The following SGCD variants were observed in gnomAD, a reference collection of about 807,000 sequenced individuals.
SGCD encodes the protein sarcoglycan delta.
Under a neutral mutation model 36.6 loss-of-function variants are expected in SGCD, and 18 were observed. That is an observed-to-expected ratio of 0.49 (90% CI 0.34 to 0.73). The LOEUF is 0.73. Among genes scored for constraint, SGCD ranks in the 30% least tolerant of loss-of-function variants. SGCD has a pLI of 0.01. For missense variants in SGCD, 387 were observed against 346.7 expected, an observed-to-expected ratio of 1.12 and a Z score of -0.92; for synonymous variants, 133 against 130.6, an observed-to-expected ratio of 1.02 and a Z score of -0.12.
intron 7 of SGCD, among the ~76,000 whole-genome samples, chr5:156,649,729 G>A (rs1165078527): frequency 6.6e-6 from 1 of 150,914 alleles, no homozygotes; most frequent in Admixed American, 6.6e-5. Flanking sequence ...GGGGAGAGGG[G>A]AGGGATAGCA....
chr5:156,478,408 A>G (rs945661588), intron 3 of SGCD, among the ~76,000 whole-genome samples: 2 of 152,154 alleles, frequency 1.3e-5, no homozygotes, highest in Non-Finnish European at 2.9e-5. Context: ...TCTGAGCCAC[A>G]CGCATCTTTG....
At chr5:156,604,980 G>C (rs1047734055) in intron 6 of SGCD, among the ~76,000 whole-genome samples, 1 of 151,560 alleles carries the variant, frequency 6.6e-6, no homozygotes, top group Non-Finnish European at 1.5e-5. Flanking sequence ...GATTTACATA[G>C]TACCATTGTA....
intron 3 of SGCD, among the ~76,000 whole-genome samples, chr5:156,421,709 A>G (rs1011648736): frequency 2.6e-5 from 4 of 152,024 alleles, no homozygotes; most frequent in Non-Finnish European, 5.9e-5. Context: ...TTTTAGCAGC[A>G]CTTGAAGCTC....
At chr5:155,967,383 G>A (rs761365989) in intron 1 of SGCD, among the ~76,000 whole-genome samples, 18 of 151,988 alleles carry the variant, frequency 1.2e-4, no homozygotes, top group Non-Finnish European at 2.1e-4. Context: ...TGAATTACAG[G>A]TGTTGTATTC....
chr5:156,695,138 T>TTG (rs35024208), intron 7 of SGCD, among the ~76,000 whole-genome samples: 109,068 of 145,906 alleles, frequency 0.75, 40,931 homozygotes, highest in Admixed American at 0.83. Context: ...GTGTGTGTGT[T>TTG]TGTGTGTGTG....
chr5:156,059,439 T>C (rs902249554), intron 1 of SGCD, among the ~76,000 whole-genome samples: 2 of 146,462 alleles, frequency 1.4e-5, no homozygotes, highest in African/African-American at 4.9e-5. Context: ...TAAACTTTTA[T>C]CAGAAAAGGT....
chr5:156,141,668 T>A (rs1384565392), intron 3 of SGCD, among the ~76,000 whole-genome samples: 3 of 152,180 alleles, frequency 2.0e-5, no homozygotes, highest in Non-Finnish European at 4.4e-5. Flanking sequence ...AAAGAAAGTT[T>A]AAAATATTAT....
chr5:156,665,011 G>A (rs1216121092), intron 7 of SGCD, among the ~76,000 whole-genome samples: 1 of 150,252 alleles, frequency 6.7e-6, no homozygotes, highest in Non-Finnish European at 1.5e-5. Context: ...ACTAGGTGGT[G>A]CCATAGGATT....
At chr5:156,371,946 A>G (rs1204582906) in intron 3 of SGCD, among the ~76,000 whole-genome samples, 1 of 152,198 alleles carries the variant, frequency 6.6e-6, no homozygotes, top group African/African-American at 2.4e-5. Context: ...TGTCAGAGCT[A>G]TTGTACATTG....
intron 1 of SGCD, among the ~76,000 whole-genome samples, chr5:155,969,150 T>C (rs928017954): frequency 6.6e-6 from 1 of 152,158 alleles, no homozygotes; most frequent in African/African-American, 2.4e-5. Context: ...TATGCCTGTA[T>C]GTGTTAGATC....
intron 1 of SGCD, among the ~76,000 whole-genome samples, chr5:156,112,569 G>T (rs1230802083): frequency 3.9e-5 from 6 of 152,128 alleles, no homozygotes; most frequent in African/African-American, 1.4e-4. Context: ...GGATTGTTAT[G>T]GTTTGGTTTT....
intron 3 of SGCD, among the ~76,000 whole-genome samples, chr5:156,172,005 G>A (rs971904456): frequency 1.4e-4 from 22 of 152,098 alleles, no homozygotes; most frequent in Non-Finnish European, 2.2e-4. Flanking sequence ...TCAGCAGGCC[G>A]GTCGTGGTGG....
intron 3 of SGCD, among the ~76,000 whole-genome samples, chr5:156,404,344 A>G (rs1772304605): frequency 6.6e-6 from 1 of 152,236 alleles, no homozygotes; most frequent in African/African-American, 2.4e-5. Flanking sequence ...ACAAAATATT[A>G]GAGAGAAATG....
intron 3 of SGCD, among the ~76,000 whole-genome samples, chr5:156,424,261 C>T (rs749180119): frequency 4.6e-5 from 7 of 151,928 alleles, no homozygotes; most frequent in Non-Finnish European, 1.0e-4. Flanking sequence ...TCTTCTTACT[C>T]TTTTTACTCT....
At position 156,163,349 on chromosome 5, in the gene SGCD, C is replaced by T. The variant is rs138753270; in HGVS notation, c.-44+39330C>T. 1.1e-4 allele frequency among the ~76,000 whole-genome samples: 17 copies of T among 151,584 alleles called. No individual in the cohort carries two copies. The East Asian group carries it at 1.7e-3, about 16-fold the overall frequency. Reference sequence around the variant, plus strand: ...GGAACCCTGTCAGAGTCCATGTTTCCGTAGGAGCCCATCAGAGCCATGGAG... The same window carrying T: ...GGAACCCTGTCAGAGTCCATGTTTCTGTAGGAGCCCATCAGAGCCATGGAG... On this transcript the variant is annotated intron_variant, in intron 3 of 9. Transcript: ENST00000517913.
At chr5:156,581,057 T>G (rs1561793297) in intron 4 of SGCD, among the ~76,000 whole-genome samples, 2 of 152,216 alleles carry the variant, frequency 1.3e-5, no homozygotes, top group Admixed American at 6.5e-5. Context: ...CTTTGGTCTT[T>G]GATGTTGGTG....
intron 4 of SGCD, among the ~76,000 whole-genome samples, chr5:156,509,701 A>C (rs954231921): frequency 6.6e-6 from 1 of 152,202 alleles, no homozygotes; most frequent in Admixed American, 6.5e-5. Flanking sequence ...TTCCTACCTA[A>C]GCTTTTCCTT....
chr5:156,108,370 T>A (rs1383632450), intron 1 of SGCD, among the ~76,000 whole-genome samples: 2 of 152,154 alleles, frequency 1.3e-5, no homozygotes, highest in African/African-American at 4.8e-5. Flanking sequence ...TGTCTCTTAA[T>A]CACTGTAAAA....
In SGCD at chr5:156,715,866, G is replaced by A. The variant is rs1251280141; in HGVS notation, c.576-41715G>A. ...AACAGAAGAGTGACCACTGTGCCAA[G>A]GTGTTCTTAGAAAGGAAGAGTGGTG... On this transcript the variant is annotated intron_variant, in intron 7 of 8. Coordinates refer to ENST00000337851, the MANE Select transcript of SGCD (RefSeq NM_000337.6). Among the ~76,000 whole-genome samples, 5 of 152,174 alleles carry A rather than the reference G, an allele frequency of 3.3e-5. No individual in the cohort carries two copies. The East Asian group carries it at 7.7e-4, about 23-fold the overall frequency.
Sources: allele counts gnomAD v4.1 joint callset (sites outside exome capture counted in the v4.1 genomes callset), GRCh38; gene constraint gnomAD v4.1.1; transcripts MANE v1.5; gene names NCBI Gene and HGNC (gene_info 2026-07-23, HGNC 2026-07-21).